The following SAMMSON variants were observed in gnomAD, a reference collection of about 807,000 sequenced individuals.
SAMMSON encodes survival associated mitochondrial melanoma specific oncogenic non-coding RNA, also known as long intergenic non-protein coding RNA 1212.
chr3:70,345,074 AATCTAT>A (rs767641259), intron 7 of SAMMSON, among the ~76,000 whole-genome samples: 1 of 152,198 alleles, frequency 6.6e-6, no homozygotes, highest in Non-Finnish European at 1.5e-5. Context: ...TACATGTAAC[AATCTAT>A]ATCTATATGA....
chr3:70,415,101 A>G (rs572043025), intron 2 of SAMMSON, among the ~76,000 whole-genome samples: 2 of 152,282 alleles, frequency 1.3e-5, no homozygotes, highest in East Asian at 3.9e-4. Context: ...AAATACAGGA[A>G]ATAACACCCC....
At chr3:70,021,917 A>T (rs977103295) in intron 3 of SAMMSON, among the ~76,000 whole-genome samples, 1 of 152,158 alleles carries the variant, frequency 6.6e-6, no homozygotes, top group African/African-American at 2.4e-5. Context: ...AAAGAAACCT[A>T]TGAAATCTTC....
chr3:70,022,745 T>C (rs1441637532), intron 3 of SAMMSON, among the ~76,000 whole-genome samples: 1 of 152,220 alleles, frequency 6.6e-6, no homozygotes, highest in Non-Finnish European at 1.5e-5. Context: ...TCAAGTTTGG[T>C]GCACAGCTAA....
intron 4 of SAMMSON, chr3:70,127,744 C>G (rs1024246480): frequency 4.6e-5 from 7 of 152,154 alleles, no homozygotes; most frequent in African/African-American, 1.7e-4. Context: ...CAGTTTAAAG[C>G]TATTCTTGTG....
intron 3 of SAMMSON, among the ~76,000 whole-genome samples, chr3:70,026,705 G>A (rs1213048411): frequency 2.0e-5 from 3 of 152,172 alleles, no homozygotes; most frequent in East Asian, 1.9e-4. Flanking sequence ...TGATGATCAC[G>A]CAGTAAAAGG....
intron 7 of SAMMSON, among the ~76,000 whole-genome samples, chr3:70,334,187 A>G (rs1360113611): frequency 6.6e-6 from 1 of 152,194 alleles, no homozygotes; most frequent in African/African-American, 2.4e-5. Flanking sequence ...GCTTTCTGCT[A>G]TTTAGGGAAT....
At chr3:70,371,275 C>T (rs1339458281) in intron 9 of SAMMSON, among the ~76,000 whole-genome samples, 4 of 151,920 alleles carry the variant, frequency 2.6e-5, no homozygotes, top group South Asian at 2.1e-4. Context: ...TCTTTTTGCT[C>T]AGGATTGCTT....
intron 7 of SAMMSON, among the ~76,000 whole-genome samples, chr3:70,348,464 G>A (rs530800207): frequency 3.9e-5 from 6 of 152,118 alleles, no homozygotes; most frequent in South Asian, 2.1e-4. Flanking sequence ...TCTTCACACC[G>A]CATCCTTACA....
intron 4 of SAMMSON, among the ~76,000 whole-genome samples, chr3:70,174,493 A>G (rs945072274): frequency 1.3e-5 from 2 of 152,018 alleles, no homozygotes; most frequent in Admixed American, 6.6e-5. Context: ...GGCATAACGT[A>G]GAGATAAAGA....
chr3:70,031,282 C>T (rs1041446260), intron 3 of SAMMSON, among the ~76,000 whole-genome samples: 4 of 151,802 alleles, frequency 2.6e-5, no homozygotes, highest in Non-Finnish European at 2.9e-5. Context: ...ATGAAATAAG[C>T]CAGACAAAGG....
chr3:70,178,328 T>C (rs895331112), intron 4 of SAMMSON, among the ~76,000 whole-genome samples: 1 of 152,176 alleles, frequency 6.6e-6, no homozygotes, highest in Admixed American at 6.5e-5. Context: ...CTGGAATATA[T>C]AAATGCCAGC....
intron 4 of SAMMSON, among the ~76,000 whole-genome samples, chr3:70,097,766 C>T (rs550930138): frequency 2.6e-5 from 4 of 152,128 alleles, no homozygotes; most frequent in Non-Finnish European, 4.4e-5. Flanking sequence ...AAAGGTTACT[C>T]GCAATCATTT....
At chr3:70,045,968 G>A (rs1003918760) in intron 3 of SAMMSON, among the ~76,000 whole-genome samples, 3 of 152,052 alleles carry the variant, frequency 2.0e-5, no homozygotes, top group African/African-American at 7.2e-5. Context: ...TCTGTTCAGA[G>A]GTGATTTATC....
chr3:70,366,459 TG>T (rs1702920177), intron 9 of SAMMSON, among the ~76,000 whole-genome samples: 1 of 150,728 alleles, frequency 6.6e-6, no homozygotes, highest in African/African-American at 2.4e-5. Flanking sequence ...CTTCCATGTC[TG>T]TTTTTTTGTT....
At chr3:70,345,631 T>C (rs1702744168) in intron 7 of SAMMSON, among the ~76,000 whole-genome samples, 1 of 152,246 alleles carries the variant, frequency 6.6e-6, no homozygotes, top group Non-Finnish European at 1.5e-5. Context: ...CTTTGTGTTT[T>C]AGTTATTGAA....
At chr3:70,236,559 C>A (rs1391521048) in intron 4 of SAMMSON, among the ~76,000 whole-genome samples, 1 of 152,118 alleles carries the variant, frequency 6.6e-6, no homozygotes, top group African/African-American at 2.4e-5. Context: ...AAAGTCCATA[C>A]TCCTTTTGGG....
At chr3:70,037,119 T>A (rs530513011) in intron 3 of SAMMSON, among the ~76,000 whole-genome samples, 1 of 151,746 alleles carries the variant, frequency 6.6e-6, no homozygotes, top group Non-Finnish European at 1.5e-5. Context: ...GGAATGGGAG[T>A]CTATGATATT....
chr3:70,056,287 G>A (rs1255991829), intron 3 of SAMMSON, among the ~76,000 whole-genome samples: 1 of 152,020 alleles, frequency 6.6e-6, no homozygotes, highest in East Asian at 1.9e-4. Flanking sequence ...TTATGTGTCA[G>A]TCACTATGTG....
intron 4 of SAMMSON, among the ~76,000 whole-genome samples, chr3:70,219,779 A>G (rs753849735): frequency 2.0e-5 from 3 of 152,180 alleles, no homozygotes; most frequent in Non-Finnish European, 4.4e-5. Flanking sequence ...CCCACAGTTC[A>G]AAAGTGAAGG....
Sources: gnomAD v4.1 joint callset for allele counts (sites outside exome capture counted in the v4.1 genomes callset) on GRCh38, gnomAD v4.1.1 for gene constraint, MANE v1.5 for transcripts, NCBI Gene and HGNC (gene_info 2026-07-23, HGNC 2026-07-21) for gene names.